Variants in DSG3 observed in about 807,000 individuals in gnomAD.
The protein encoded by DSG3 is desmoglein-3.
DSG3 carries 63 observed loss-of-function variants against 85.9 expected under a neutral mutation model. That is an observed-to-expected ratio of 0.73 (90% CI 0.60 to 0.90). The LOEUF (loss-of-function observed/expected upper bound fraction) is 0.90, where lower values mean the gene tolerates loss of function less well. Ranked by LOEUF, DSG3 falls within the 40% of genes least tolerant of loss-of-function variation. The pLI, the probability that DSG3 is intolerant of heterozygous loss-of-function variation, is 0.00. For missense variants in DSG3, 1,220 were observed against 1,219.9 expected (o/e 1.00, Z 0.00); for synonymous variants, 447 against 441.9 (o/e 1.01, Z -0.14).
intron 9 of DSG3, 93 bp downstream of exon 9, chr18:31,464,475 T>G: frequency 7.5e-7 from 1 of 1,331,068 alleles, no homozygotes; most frequent in Non-Finnish European, 1.0e-6. Flanking sequence ...GTGCCAAGAA[T>G]AGAGATATGA....
intron 8 of DSG3, 84 bp downstream of exon 8, chr18:31,461,496 G>A (rs1001169124): frequency 1.6e-6 from 2 of 1,256,852 alleles, no homozygotes; most frequent in South Asian, 1.4e-5. Flanking sequence ...GTATTTATTT[G>A]TTAATATCAC....
intron 1 of DSG3, among the ~76,000 whole-genome samples, chr18:31,452,633 C>A (rs2072718787): frequency 6.7e-6 from 1 of 149,640 alleles, no homozygotes; most frequent in South Asian, 2.2e-4. Flanking sequence ...TTACTTTGGG[C>A]TGGGCTCACC....
chr18:31,456,891 T>C, intron 2 of DSG3, 102 bp from the exon 3 acceptor site: 2 of 1,204,390 alleles, frequency 1.7e-6, no homozygotes, highest in Non-Finnish European at 2.3e-6. Context: ...GTCTTAGTGA[T>C]CTTGAAACAT....
Position 31,469,151 on chromosome 18 carries a change from G to C in DSG3, c.1699G>C (p.Val567Leu). ...TCCTGGAGTATACCACATCTCCCTG[G>C]TACTTACAGACAGTCAGAACAATCG... ...IPPGVYHISL[V>L]LTDSQNNRCE... Residue 567 changes from valine (V) to leucine (L), a missense_variant, in exon 12 of 16, where the codon GTA becomes CTA. Physicochemically the swap from Val to Leu is conservative, Grantham distance 32. Coordinates refer to ENST00000257189, the MANE Select transcript of DSG3 (RefSeq NM_001944.3). 1 of 1,614,152 alleles carries C rather than the reference G, an allele frequency of 6.2e-7. No individual in the cohort carries two copies.
rs2072810965 is a variant in DSG3 at position 31,465,300 on chromosome 18, T to G, written c.1272-18T>G. The G allele has an allele frequency of 7.3e-7, 1 of 1,375,400 alleles. No homozygotes were observed. The highest frequency in any genetic ancestry group is 2.2e-5 in the South Asian group (1 of 45,688). 85.2% of individuals were successfully genotyped at this position (1,375,400 alleles called of 1,614,324 possible). On this transcript the variant is annotated intron_variant, in intron 9 of 15. Transcript: ENST00000257189. ...CCACATTTGAAAGAAAACTGATTTT[T>G]TTAATATTATGAAACAGATATGTCA... is the stretch of plus-strand genomic sequence containing the variant.
intron 14 of DSG3, among the ~76,000 whole-genome samples, chr18:31,473,447 A>T (rs532282820): frequency 3.2e-4 from 48 of 152,354 alleles, no homozygotes; most frequent in African/African-American, 1.0e-3. Flanking sequence ...TTAATGCCTA[A>T]TATTAAAGTT....
rs2072887381 is a variant in DSG3 at position 31,476,213 on chromosome 18, T to C, written c.2953T>C (p.Ser985Pro). The C allele has an allele frequency of 3.7e-6, 6 of 1,613,838 alleles. No individual in the cohort carries two copies. The highest frequency in any genetic ancestry group is 5.1e-6 in the Non-Finnish European group (6 of 1,179,952). Residue 985 changes from serine to proline, a missense_variant, in exon 16 of 16, where the codon TCA becomes CCA. Coordinates refer to ENST00000257189, the MANE Select transcript of DSG3 (RefSeq NM_001944.3). ...AGCTGGCCCAACGCAGCTACGAGGG[T>C]CACATACTATGCTCTGTACAGAGGA... ...NLAGPTQLRG[S>P]HTMLCTEDPC...
chr18:31,475,985 G>T lies in DSG3; in HGVS notation c.2725G>T (p.Ala909Ser), dbSNP rs1424663530. Residue 909 changes from alanine (A) to serine (S), a missense_variant, in exon 16 of 16, where the codon GCT becomes TCT. By Grantham distance (99) the Ala-to-Ser change is moderately conservative. Coordinates refer to ENST00000257189, the MANE Select transcript of DSG3 (RefSeq NM_001944.3). ...QTLSGSQGAS[A>S]LSTSGSVQPA... is the part of the protein sequence containing the mutation. ...TTTGTCAGGAAGTCAAGGAGCTTCT[G>T]CTTTGTCCACCTCTGGGTCTGTCCA... is the stretch of plus-strand genomic sequence containing the variant. 1 of 1,614,204 alleles carries T rather than the reference G, an allele frequency of 6.2e-7. No homozygotes were observed. The highest frequency in any genetic ancestry group is 1.7e-5 in the Admixed American group (1 of 60,018).
rs766365192 is a variant in DSG3, at chr18:31,459,215, T to G, written c.517+38T>G. ...CAGTACTTACCACTTTCAGTTTATC[T>G]ACTTTCAAATATGAGTCCCACTACA... is the stretch of plus-strand genomic sequence containing the variant. On this transcript the variant is annotated intron_variant, in intron 5 of 15. Coordinates refer to ENST00000257189, the MANE Select transcript of DSG3 (RefSeq NM_001944.3). The G allele has an allele frequency of 2.6e-6, 4 of 1,562,366 alleles. No individual in the cohort carries two copies. In the African/African-American group the frequency reaches 5.5e-5, roughly 21 times the overall value.
Position 31,469,239 on chromosome 18 carries a change from G to T in DSG3, c.1787G>T (p.Gly596Val), listed in dbSNP as rs374203777. 1.2e-6 allele frequency: 2 copies of T among 1,614,194 alleles called. No individual in the cohort carries two copies. The highest frequency in any genetic ancestry group is 1.7e-6 in the Non-Finnish European group (2 of 1,180,036). The change falls in exon 12 of 16, where the codon GGA becomes GTA. Residue 596 changes from glycine to valine, a missense_variant. Gly to Val is a moderately radical substitution (Grantham distance 109). Coordinates refer to ENST00000257189, the MANE Select transcript of DSG3 (RefSeq NM_001944.3). ...VCQCDNRGICGTSYPTTSPGT... is the reference protein window; with the variant it reads ...VCQCDNRGICVTSYPTTSPGT... Reference sequence around the variant, plus strand: ...CAGTGTGACAACAGGGGCATCTGTGGAACTTCTTACCCAACCACAAGCCCT... The same window carrying T: ...CAGTGTGACAACAGGGGCATCTGTGTAACTTCTTACCCAACCACAAGCCCT...
rs2072863104 is a variant in DSG3 at position 31,472,654 on chromosome 18, G to T, written c.2038-71G>T. On this transcript the variant is annotated intron_variant, in intron 13 of 15. Transcript: ENST00000257189. ...GTTATCATTTACAAATTTGCAAAGG[G>T]CCACATGTCACTATATTGCTCTGAA... is the stretch of plus-strand genomic sequence containing the variant. The T allele has an allele frequency of 2.0e-6, 3 of 1,497,940 alleles. 1 individual carries two copies. The Admixed American group carries it at 5.2e-5, about 26-fold the overall frequency. 92.8% of individuals were successfully genotyped at this position (1,497,940 alleles called of 1,614,324 possible). A position where few individuals can be genotyped will look rare whatever the true frequency, so the allele number is the denominator to read the frequency against.
chr18:31,475,676 G>A lies in DSG3; in HGVS notation c.2416G>A (p.Gly806Ser). The change falls in exon 16 of 16, where the codon GGC becomes AGC. Residue 806 changes from glycine to serine, a missense_variant. Physicochemically the swap from Gly to Ser is moderately conservative, Grantham distance 56. Coordinates refer to ENST00000257189, the MANE Select transcript of DSG3 (RefSeq NM_001944.3). ...KAFACAEEDDGQEANDCLLIY... is the reference protein window; with the variant it reads ...KAFACAEEDDSQEANDCLLIY... ...ATTTGCCTGTGCGGAGGAAGACGAT[G>A]GCCAGGAAGCAAATGACTGCTTGTT... 6.2e-7 allele frequency: 1 copy of A among 1,614,120 alleles called. No homozygotes were observed. Among genetic ancestry groups the A allele is most frequent in the Non-Finnish European group, 8.5e-7 (1 of 1,180,030 alleles).
rs1287412274 is a variant in DSG3, at chr18:31,464,313, T to C, written c.1202T>C (p.Leu401Ser). The change falls in exon 9 of 16, where the codon TTG becomes TCG. Residue 401 changes from leucine to serine, a missense_variant. Physicochemically the swap from Leu to Ser is moderately radical, Grantham distance 145. Transcript: ENST00000257189. ...TVQKGISSKKLVDYILGTYQA... is the reference protein window; with the variant it reads ...TVQKGISSKKSVDYILGTYQA... ...CAAAAAGGCATAAGTAGCAAAAAAT[T>C]GGTGGATTATATCCTGGGAACATAT... 1 of 1,614,118 alleles carries C rather than the reference T, an allele frequency of 6.2e-7. No individual in the cohort carries two copies. Among genetic ancestry groups the C allele is most frequent in the East Asian group, 2.2e-5 (1 of 44,870 alleles).
intron 2 of DSG3, 95 bp downstream of exon 2, chr18:31,456,570 A>T: frequency 1.7e-6 from 1 of 601,370 alleles, no homozygotes; most frequent in Non-Finnish European, 2.5e-6. Context: ...TAATTTCTAA[A>T]ATTATTCAAT....
chr18:31,467,092 G>A (rs2072826695), intron 11 of DSG3, among the ~76,000 whole-genome samples: 1 of 152,190 alleles, frequency 6.6e-6, no homozygotes, highest in African/African-American at 2.4e-5. Context: ...TGGAATCCCA[G>A]TACTTTGGGA....
intron 1 of DSG3, 92 bp downstream of exon 1, chr18:31,448,017 A>G (rs1310503097): frequency 2.0e-6 from 2 of 994,148 alleles, no homozygotes; most frequent in Non-Finnish European, 2.8e-6. Context: ...TTTATTATAA[A>G]TTCTAAAAGG....
intron 1 of DSG3, among the ~76,000 whole-genome samples, chr18:31,455,439 T>C (rs2072736462): frequency 6.6e-6 from 1 of 152,210 alleles, no homozygotes; most frequent in Non-Finnish European, 1.5e-5. Flanking sequence ...CTGGAAAGTT[T>C]ACAATACTCC....
chr18:31,467,692 G>A (rs1167679342), intron 11 of DSG3, among the ~76,000 whole-genome samples: 3 of 152,114 alleles, frequency 2.0e-5, no homozygotes, highest in South Asian at 2.1e-4. Context: ...TTATAATGAC[G>A]ATGAGACCAC....
intron 1 of DSG3, among the ~76,000 whole-genome samples, chr18:31,450,062 G>T (rs1255228495): frequency 2.6e-5 from 4 of 152,134 alleles, no homozygotes; most frequent in East Asian, 1.9e-4. Context: ...TTTTAAAAAC[G>T]TTTTAAATGT....
Sources: allele counts gnomAD v4.1 joint callset (sites outside exome capture counted in the v4.1 genomes callset), GRCh38; gene constraint gnomAD v4.1.1; transcripts MANE v1.5; gene names NCBI Gene and HGNC (gene_info 2026-07-23, HGNC 2026-07-21).